The following MYH11 variants were observed in gnomAD, a reference collection of about 807,000 sequenced individuals.
MYH11 encodes the protein myosin heavy chain 11.
In MYH11, 80 loss-of-function variants were observed where a neutral mutation model predicts 246.6. The observed-to-expected ratio is 0.32, with a 90% CI of 0.27 to 0.39. The LOEUF (loss-of-function observed/expected upper bound fraction) is 0.39, where lower values mean the gene tolerates loss of function less well. MYH11 is among the 10% of genes least tolerant of loss of function. The pLI, the probability that MYH11 is intolerant of heterozygous loss-of-function variation, is 1.00. For synonymous variants in MYH11, 1,071 were observed against 1,015.5 expected, an observed-to-expected ratio of 1.05 and a Z score of -1.04; for missense variants, 2,158 against 2,546.8, an observed-to-expected ratio of 0.85 and a Z score of 3.29.
At chr16:15,721,302 C>T in intron 32 of MYH11, 120 bp downstream of exon 32, 1 of 1,226,066 alleles carries the variant, frequency 8.2e-7, no homozygotes, top group East Asian at 2.4e-5. Context: ...AAACCTCCTT[C>T]CATTTCCGAT....
At chr16:15,787,380 C>T (rs1369118777) in intron 4 of MYH11, among the ~76,000 whole-genome samples, 1 of 151,982 alleles carries the variant, frequency 6.6e-6, no homozygotes, top group African/African-American at 2.4e-5. Flanking sequence ...TGCACTCCAG[C>T]CTGGGTGACA....
chr16:15,844,321 C>T lies in MYH11; in HGVS notation c.-17-6052G>A, dbSNP rs986424391. On this transcript the variant is annotated intron_variant, in intron 1 of 40. Transcript: ENST00000300036. The stretch of plus-strand genomic sequence containing the variant: ...CAAGTGATTCTCCTGCCTCAGCCTC[C>T]CGAGGAGCTAGGATTACAGGTGCAT... 4.6e-5 allele frequency among the ~76,000 whole-genome samples: 7 copies of T among 152,134 alleles called. No homozygotes were observed. The East Asian group carries it at 1.3e-3, about 29-fold the overall frequency.
At chr16:15,767,084 G>A (rs2041999794) in intron 9 of MYH11, among the ~76,000 whole-genome samples, 1 of 152,122 alleles carries the variant, frequency 6.6e-6, no homozygotes, top group Non-Finnish European at 1.5e-5. Context: ...GAGGGTGAAT[G>A]GATGGATGAA....
At chr16:15,834,685 C>T (rs1234565131) in intron 2 of MYH11, among the ~76,000 whole-genome samples, 1 of 152,164 alleles carries the variant, frequency 6.6e-6, no homozygotes, top group African/African-American at 2.4e-5. Flanking sequence ...CAGCTTCCTT[C>T]CCTAAAAGGG....
chr16:15,724,933 C>A lies in MYH11; in HGVS notation c.3918G>T (p.Leu1306=), dbSNP rs754244876. The change falls in exon 29 of 41, where the codon CTG becomes CTT. Residue 1306 remains leucine (L), a synonymous_variant. Transcript: ENST00000300036. ...AACTGAGGGACGCCACGTCCTTGGC[C>A]AGCTTAATGGCCTTCCCCTCGGCCT... is the stretch of plus-strand genomic sequence containing the variant. ...LNEAEGKAIK[L]AKDVASLSSQ... The A allele has an allele frequency of 1.9e-6, 3 of 1,614,138 alleles. No homozygotes were observed. In the South Asian group the frequency reaches 3.3e-5, roughly 18 times the overall value.
intron 40 of MYH11, chr16:15,708,795 CATG>C (rs751001415): frequency 2.5e-6 from 4 of 1,606,504 alleles, no homozygotes; most frequent in Non-Finnish European, 3.4e-6. Context: ...AAGCTGAAGG[CATG>C]ATACCTGGTG....
At chr16:15,708,078 T>G (rs2039562168) in intron 40 of MYH11, among the ~76,000 whole-genome samples, 1 of 151,812 alleles carries the variant, frequency 6.6e-6, no homozygotes, top group African/African-American at 2.4e-5. Context: ...TCCCTGAACA[T>G]GTACATGCCC....
chr16:15,811,588 A>AGGACAG (rs556083642), intron 3 of MYH11, among the ~76,000 whole-genome samples: 121 of 152,152 alleles, frequency 8.0e-4, no homozygotes, highest in African/African-American at 2.7e-3. Flanking sequence ...AGGGGCCCTG[A>AGGACAG]GGACATCAGT....
At chr16:15,834,655 C>G (rs547138304) in intron 2 of MYH11, among the ~76,000 whole-genome samples, 2 of 152,232 alleles carry the variant, frequency 1.3e-5, no homozygotes, top group African/African-American at 4.8e-5. Context: ...AGTAAAGATA[C>G]ATTTTGCAAC....
At chr16:15,735,631 C>T in intron 25 of MYH11, 53 bp from the exon 26 acceptor site, 1 of 1,603,656 alleles carries the variant, frequency 6.2e-7, no homozygotes, top group South Asian at 1.1e-5. Context: ...GGTTTCCTCT[C>T]TTACAATGTG....
intron 3 of MYH11, among the ~76,000 whole-genome samples, chr16:15,799,135 G>GT (rs2042822843): frequency 1.3e-5 from 2 of 152,262 alleles, no homozygotes; most frequent in Admixed American, 6.5e-5. Flanking sequence ...GCACATTTGT[G>GT]TTTTTTTGTA....
intron 5 of MYH11, 118 bp from the exon 6 acceptor site, chr16:15,782,595 A>C (rs1005498379): frequency 1.3e-5 from 10 of 745,734 alleles, no homozygotes; most frequent in Non-Finnish European, 2.4e-5. Flanking sequence ...CCTATCTCCT[A>C]CCTCCTCTTA....
chr16:15,852,567 G>A (rs1321111685), intron 1 of MYH11, among the ~76,000 whole-genome samples: 2 of 152,024 alleles, frequency 1.3e-5, no homozygotes, highest in African/African-American at 4.8e-5. Context: ...TTGAACTCCT[G>A]ACCTCAGGTG....
At chr16:15,709,202 A>G (rs1019267167) in intron 40 of MYH11, among the ~76,000 whole-genome samples, 2 of 152,068 alleles carry the variant, frequency 1.3e-5, no homozygotes, top group South Asian at 4.2e-4. Context: ...TGGCCTCCCA[A>G]GGTGCTGGGA....
In MYH11 at chr16:15,782,549, T is replaced by C. The variant is rs141803109; in HGVS notation, c.634-72A>G. ...TGACAGTTCTACCTTGGATGGATGT[T>C]GTCACAAAACTCTGCCCTTAACCCA... On this transcript the variant is annotated intron_variant, in intron 5 of 40. Coordinates refer to ENST00000300036, the MANE Select transcript of MYH11 (RefSeq NM_002474.3). 3.2e-6 allele frequency: 4 copies of C among 1,268,444 alleles called. No homozygotes were observed. In the East Asian group the frequency reaches 9.3e-5, roughly 30 times the overall value. The allele number at this position is 1,268,444 out of a possible 1,614,324, so 78.6% of individuals were successfully genotyped here.
At chr16:15,739,184 C>A (rs1273600647) in intron 23 of MYH11, among the ~76,000 whole-genome samples, 1 of 152,002 alleles carries the variant, frequency 6.6e-6, no homozygotes, top group Non-Finnish European at 1.5e-5. Context: ...ACTGCAACCT[C>A]TGCCTCCCAC....
At chr16:15,806,007 G>A (rs1236134178) in intron 3 of MYH11, among the ~76,000 whole-genome samples, 2 of 151,934 alleles carry the variant, frequency 1.3e-5, no homozygotes, top group East Asian at 1.9e-4. Context: ...GGCTGGGCAC[G>A]GTGGCTCACA....
At chr16:15,756,587 T>C in intron 13 of MYH11, 73 bp from the exon 14 acceptor site, 1 of 1,514,310 alleles carries the variant, frequency 6.6e-7, no homozygotes, top group Non-Finnish European at 9.2e-7. Context: ...GCTGGCCAAC[T>C]ATACACAACG....
rs961442394 is a variant in MYH11 at position 15,740,635 on chromosome 16, T to C, written c.2860-447A>G. Among the ~76,000 whole-genome samples, 118 of 149,758 alleles carry C rather than the reference T, an allele frequency of 7.9e-4. 1 individual carries two copies. Among genetic ancestry groups the C allele is most frequent in the Admixed American group, 7.3e-3 (110 of 15,012 alleles). The stretch of plus-strand genomic sequence containing the variant: ...CAAAAAAAAAAAAAAAATAAAGACC[T>C]GGGTAAGCTGCTCTGCTTCATGGAA... On this transcript the variant is annotated intron_variant, in intron 22 of 40. Transcript: ENST00000300036.
Sources: gnomAD v4.1 joint callset for allele counts (sites outside exome capture counted in the v4.1 genomes callset) on GRCh38, gnomAD v4.1.1 for gene constraint, MANE v1.5 for transcripts, NCBI Gene and HGNC (gene_info 2026-07-23, HGNC 2026-07-21) for gene names.